Variants in CBR4 observed in about 807,000 individuals in gnomAD.
CBR4 encodes the protein carbonyl reductase 4.
CBR4 carries 22 observed loss-of-function variants against 21.0 expected under a neutral mutation model. The observed-to-expected ratio is 1.05, with a 90% confidence interval of 0.75 to 1.50. The LOEUF (loss-of-function observed/expected upper bound fraction) is 1.50, where lower values mean the gene tolerates loss of function less well. Ranked by LOEUF, CBR4 falls within the 40% of genes most tolerant of loss-of-function variation. The pLI is 0.00. For missense variants in CBR4, 302 were observed against 286.3 expected (o/e 1.05, Z -0.40); for synonymous variants, 100 against 104.4 (o/e 0.96, Z 0.26).
chr4:168,926,583 C>T (rs1560941761), intron 2 of CBR4: 2 of 491,318 alleles, frequency 4.1e-6, no homozygotes, highest in Non-Finnish European at 7.2e-6. Flanking sequence ...ATACACATTG[C>T]ACAGAAAATA....
intron 2 of CBR4, among the ~76,000 whole-genome samples, chr4:168,918,068 A>G (rs1196704816): frequency 6.6e-6 from 1 of 151,952 alleles, no homozygotes; most frequent in African/African-American, 2.4e-5. Flanking sequence ...GTGTGGTGGC[A>G]TGCATCTGTA....
At chr4:168,969,542 C>T (rs764769608) in intron 2 of CBR4, among the ~76,000 whole-genome samples, 10 of 152,108 alleles carry the variant, frequency 6.6e-5, no homozygotes, top group Admixed American at 2.0e-4. Flanking sequence ...CAGAAAACAG[C>T]AGCAGAAGGA....
In CBR4 at chr4:168,988,031, T is replaced by G; in HGVS notation, c.*2119A>C. On this transcript the variant is annotated 3_prime_UTR_variant, in exon 5 of 5. Coordinates refer to ENST00000306193, the MANE Select transcript of CBR4 (RefSeq NM_032783.5). ...AACAGCTACAGATGAGTCTTCTTGT[T>G]AAGAATTCATTCAATGCTTCTCAGA... 4 of 985,382 alleles carry G rather than the reference T, an allele frequency of 4.1e-6. No homozygotes were observed. Among genetic ancestry groups the G allele is most frequent in the Non-Finnish European group, 4.8e-6 (4 of 829,850 alleles). 61.0% of individuals were successfully genotyped at this position (985,382 alleles called of 1,614,324 possible). A position where few individuals can be genotyped will look rare whatever the true frequency, so the allele number is the denominator to read the frequency against.
chr4:168,966,992 G>A (rs1190687567), intron 2 of CBR4, among the ~76,000 whole-genome samples: 1 of 141,754 alleles, frequency 7.1e-6, no homozygotes, highest in Non-Finnish European at 1.5e-5. Context: ...TCCAGCCTGG[G>A]CAATGGAGCA....
At chr4:168,932,254 A>C (rs1050336189) in intron 2 of CBR4, among the ~76,000 whole-genome samples, 3 of 151,986 alleles carry the variant, frequency 2.0e-5, no homozygotes, top group East Asian at 1.9e-4. Flanking sequence ...AAAAAAAAAA[A>C]CCCAACAGAA....
At chr4:168,967,409 G>C (rs1764075339) in intron 2 of CBR4, among the ~76,000 whole-genome samples, 1 of 152,174 alleles carries the variant, frequency 6.6e-6, no homozygotes, top group South Asian at 2.1e-4. Flanking sequence ...TAATGTAAAT[G>C]ACGAGTTGAT....
At chr4:168,952,937 A>T (rs879677580) in intron 2 of CBR4, among the ~76,000 whole-genome samples, 1 of 152,140 alleles carries the variant, frequency 6.6e-6, no homozygotes, top group African/African-American at 2.4e-5. Flanking sequence ...CAGCTGTGGT[A>T]GTATGGAGAG....
At chr4:168,921,533 G>C in intron 2 of CBR4, 1 of 1,589,996 alleles carries the variant, frequency 6.3e-7, no homozygotes, top group East Asian at 2.3e-5. Flanking sequence ...TTATGATTTA[G>C]GTCAGTGGGT....
At chr4:168,954,836 A>G (rs1033318389) in intron 2 of CBR4, among the ~76,000 whole-genome samples, 2 of 152,190 alleles carry the variant, frequency 1.3e-5, no homozygotes, top group African/African-American at 4.8e-5. Context: ...AGCAGAAAAC[A>G]ATCAGTCAAG....
intron 4 of CBR4, among the ~76,000 whole-genome samples, chr4:168,998,408 T>C (rs1170926138): frequency 2.0e-5 from 3 of 152,174 alleles, no homozygotes; most frequent in Non-Finnish European, 2.9e-5. Context: ...CATTCAGTCA[T>C]TAAAAGTGAC....
In CBR4 at chr4:169,000,647, C is replaced by T. The variant is rs11937776; in HGVS notation, c.535+1424G>A. Among the ~76,000 whole-genome samples the T allele has an allele frequency of 5.2e-3, 788 of 152,292 alleles. 4 individuals carry two copies. Among genetic ancestry groups the T allele is most frequent in the African/African-American group, 0.018 (729 of 41,570 alleles). On this transcript the variant is annotated intron_variant, in intron 4 of 4. Coordinates refer to ENST00000306193, the MANE Select transcript of CBR4 (RefSeq NM_032783.5). ...TAGGTGATTAATTCTTAAGTACCTA[C>T]AGTAGGCTAGGACAAAGATTCCATG...
At chr4:168,943,381 A>C (rs1265650672) in intron 2 of CBR4, among the ~76,000 whole-genome samples, 1 of 152,186 alleles carries the variant, frequency 6.6e-6, no homozygotes. Context: ...ATCAATAACC[A>C]AGGAACTCAT....
At chr4:169,006,712 G>A (rs1210269303) in intron 3 of CBR4, 43 bp downstream of exon 3, 2 of 1,505,378 alleles carry the variant, frequency 1.3e-6, no homozygotes, top group South Asian at 1.2e-5. Flanking sequence ...TTTATGGTAT[G>A]GTATTATGGG....
At chr4:168,976,543 C>T (rs557674702) in intron 2 of CBR4, among the ~76,000 whole-genome samples, 1 of 152,224 alleles carries the variant, frequency 6.6e-6, no homozygotes, top group Admixed American at 6.5e-5. Context: ...TTTTTGTAGG[C>T]AGGGGGTGGA....
At chr4:168,939,671 G>A (rs1209192660) in intron 2 of CBR4, among the ~76,000 whole-genome samples, 1 of 151,884 alleles carries the variant, frequency 6.6e-6, no homozygotes, top group East Asian at 1.9e-4. Flanking sequence ...CAAGACGTGA[G>A]TGAACTCCCA....
chr4:168,905,308 C>T (rs571538456), intron 2 of CBR4, among the ~76,000 whole-genome samples: 4 of 150,678 alleles, frequency 2.7e-5, no homozygotes, highest in Admixed American at 1.3e-4. Flanking sequence ...CCACCATGCC[C>T]GGCTAATTTT....
chr4:168,947,124 G>T (rs1435723771), intron 2 of CBR4, among the ~76,000 whole-genome samples: 3 of 151,036 alleles, frequency 2.0e-5, no homozygotes, highest in African/African-American at 7.3e-5. Context: ...CCCCTGTCAT[G>T]TTTTTTTTTA....
At chr4:168,927,092 T>C (rs1358490601) in intron 2 of CBR4, 1 of 222,616 alleles carries the variant, frequency 4.5e-6, no homozygotes, top group Non-Finnish European at 9.0e-6. Flanking sequence ...ATATAAATAA[T>C]ATAAAGTGCT....
chr4:168,925,077 C>T lies in CBR4; in HGVS notation n.170-30312G>A, dbSNP rs757791701. The T allele has an allele frequency of 8.1e-6, 13 of 1,613,870 alleles. No homozygotes were observed. The highest frequency in any genetic ancestry group is 1.7e-5 in the Admixed American group (1 of 59,996). ...CCTGTACTGCCAGGCTGGACGTTTA[C>T]AGTGAGTGCCACTTCATCTCATTTC... On this transcript the variant is annotated intron_variant and non_coding_transcript_variant, in intron 2 of 3. Coordinates refer to the CBR4 transcript ENST00000509108.
Sources: allele counts gnomAD v4.1 joint callset (sites outside exome capture counted in the v4.1 genomes callset), GRCh38; gene constraint gnomAD v4.1.1; transcripts MANE v1.5; gene names NCBI Gene and HGNC (gene_info 2026-07-23, HGNC 2026-07-21).